CREB5: variants seen among roughly 807,000 people sequenced by gnomAD.
CREB5 encodes cyclic AMP-responsive element-binding protein 5.
Under a neutral mutation model 57.1 loss-of-function variants are expected in CREB5, and 19 were observed. That is an observed-to-expected ratio of 0.33 (90% CI 0.23 to 0.49). CREB5 has a LOEUF of 0.49. CREB5 is among the 20% of genes least tolerant of loss of function. The pLI, the probability that CREB5 is intolerant of heterozygous loss-of-function variation, is 0.99. For missense variants in CREB5, 579 were observed against 671.6 expected (o/e 0.86, Z 1.52); for synonymous variants, 238 against 238.3 (o/e 1.00, Z 0.01).
intron 1 of CREB5, among the ~76,000 whole-genome samples, chr7:28,340,022 C>A (rs976978613): frequency 6.6e-6 from 1 of 152,198 alleles, no homozygotes; most frequent in African/African-American, 2.4e-5. Flanking sequence ...GGAGGACTTA[C>A]CCCTCAGGGT....
chr7:28,313,054 T>A (rs1785310533), intron 1 of CREB5, among the ~76,000 whole-genome samples: 1 of 152,198 alleles, frequency 6.6e-6, no homozygotes, highest in African/African-American at 2.4e-5. Context: ...CAGCAGACAT[T>A]GGAGTTACTA....
At chr7:28,601,966 TA>T (rs1470435045) in intron 5 of CREB5, among the ~76,000 whole-genome samples, 1 of 148,380 alleles carries the variant, frequency 6.7e-6, no homozygotes, top group African/African-American at 2.6e-5. Flanking sequence ...GACATATTCT[TA>T]GGAACTTCAC....
intron 5 of CREB5, among the ~76,000 whole-genome samples, chr7:28,666,038 T>C (rs1799810473): frequency 6.6e-6 from 1 of 152,182 alleles, no homozygotes; most frequent in Non-Finnish European, 1.5e-5. Context: ...CTTTTTTCAT[T>C]TCATCTCTCA....
chr7:28,463,510 A>G (rs1292883007), intron 1 of CREB5, among the ~76,000 whole-genome samples: 1 of 144,716 alleles, frequency 6.9e-6, no homozygotes, highest in African/African-American at 2.6e-5. Context: ...GTGTAGATCA[A>G]CTGTGGAATA....
intron 5 of CREB5, among the ~76,000 whole-genome samples, chr7:28,610,814 G>C (rs1215742366): frequency 2.0e-5 from 3 of 152,084 alleles, no homozygotes; most frequent in Non-Finnish European, 4.4e-5. Flanking sequence ...ATAGAGAATA[G>C]ATTGTCTTGG....
At chr7:28,729,996 A>G (rs1218302265) in intron 7 of CREB5, among the ~76,000 whole-genome samples, 1 of 152,208 alleles carries the variant, frequency 6.6e-6, no homozygotes, top group Non-Finnish European at 1.5e-5. Context: ...AACAATAGCA[A>G]TCTACAGTCT....
chr7:28,726,314 G>A (rs2128750010), intron 7 of CREB5, among the ~76,000 whole-genome samples: 1 of 152,216 alleles, frequency 6.6e-6, no homozygotes, highest in African/African-American at 2.4e-5. Flanking sequence ...TCAATTTGAA[G>A]GGAAAAATGG....
chr7:28,420,718 G>C (rs1788210640), intron 1 of CREB5, among the ~76,000 whole-genome samples: 1 of 150,452 alleles, frequency 6.6e-6, no homozygotes. Flanking sequence ...TGGGACAGGA[G>C]TATCGCTTGA....
chr7:28,530,562 T>C (rs1793681909), intron 4 of CREB5, among the ~76,000 whole-genome samples: 1 of 152,146 alleles, frequency 6.6e-6, no homozygotes, highest in Admixed American at 6.5e-5. Context: ...TATTTTTCCT[T>C]CTTGCTGCAA....
intron 5 of CREB5, among the ~76,000 whole-genome samples, chr7:28,594,909 C>T (rs1345524516): frequency 6.6e-6 from 1 of 152,126 alleles, no homozygotes; most frequent in East Asian, 1.9e-4. Context: ...TACAAGGTCA[C>T]ATGTTTCTCT....
At chr7:28,448,300 C>G (rs187569258) in intron 1 of CREB5, among the ~76,000 whole-genome samples, 13 of 152,368 alleles carry the variant, frequency 8.5e-5, no homozygotes, top group East Asian at 3.9e-4. Flanking sequence ...TAAGTTAATA[C>G]TTAATAAAGT....
At chr7:28,563,570 G>C (rs532076315) in intron 4 of CREB5, among the ~76,000 whole-genome samples, 1 of 152,174 alleles carries the variant, frequency 6.6e-6, no homozygotes, top group Non-Finnish European at 1.5e-5. Flanking sequence ...CTGTCACCCA[G>C]GCTGGAGTGC....
At chr7:28,436,835 AG>A (rs751525677) in intron 1 of CREB5, among the ~76,000 whole-genome samples, 62 of 152,278 alleles carry the variant, frequency 4.1e-4, no homozygotes, top group Non-Finnish European at 6.6e-4. Context: ...GATTTAAGAA[AG>A]TGGGATAATG....
Position 28,819,511 on chromosome 7 carries a change from T to C in CREB5, c.*232T>C, listed in dbSNP as rs1306542720. The C allele has an allele frequency of 1.5e-5, 7 of 455,852 alleles. No individual in the cohort carries two copies. Among genetic ancestry groups the C allele is most frequent in the Non-Finnish European group, 2.7e-5 (7 of 261,436 alleles). The allele number at this position is 455,852 out of a possible 1,614,324, so 28.2% of individuals were successfully genotyped here. On this transcript the variant is annotated 3_prime_UTR_variant, in exon 11 of 11. Coordinates refer to ENST00000357727, the MANE Select transcript of CREB5 (RefSeq NM_182898.4). ...CTTGGGAAACGCTTTGGTGCTTTTC[T>C]CCAGTTTTCTGGTACCAGTTACTTG...
chr7:28,411,141 T>C (rs1787779406), upstream of CREB5, among the ~76,000 whole-genome samples: 1 of 152,226 alleles, frequency 6.6e-6, no homozygotes, highest in Non-Finnish European at 1.5e-5. Context: ...AAATGCTTAG[T>C]CCTGATAGAA....
intron 5 of CREB5, among the ~76,000 whole-genome samples, chr7:28,588,506 T>A (rs1048440547): frequency 4.6e-5 from 7 of 152,214 alleles, no homozygotes; most frequent in Non-Finnish European, 4.4e-5. Flanking sequence ...TATGTGCAGC[T>A]TCTTAATTTA....
intron 1 of CREB5, among the ~76,000 whole-genome samples, chr7:28,383,229 A>C (rs1787002274): frequency 6.6e-6 from 1 of 152,204 alleles, no homozygotes; most frequent in African/African-American, 2.4e-5. Flanking sequence ...GGATGCAGAG[A>C]AAACTAGGAC....
intron 9 of CREB5, among the ~76,000 whole-genome samples, chr7:28,815,252 G>A (rs930915820): frequency 9.2e-5 from 14 of 152,124 alleles, no homozygotes; most frequent in African/African-American, 2.2e-4. Flanking sequence ...CAGCCTGGAC[G>A]ACATAGCAAG....
intron 5 of CREB5, among the ~76,000 whole-genome samples, chr7:28,658,953 G>GTGTATA (rs1400561698): frequency 3.0e-5 from 3 of 99,582 alleles, no homozygotes; most frequent in South Asian, 3.0e-4. Context: ...GTGTGTGTGT[G>GTGTATA]TATATATATA....
Sources: allele counts gnomAD v4.1 joint callset (sites outside exome capture counted in the v4.1 genomes callset), GRCh38; gene constraint gnomAD v4.1.1; transcripts MANE v1.5; gene names NCBI Gene and HGNC (gene_info 2026-07-23, HGNC 2026-07-21).